The following TNFAIP8 variants were observed in gnomAD, a reference collection of about 807,000 sequenced individuals.
TNFAIP8 encodes the protein TNF alpha induced protein 8.
Under a neutral mutation model 13.3 loss-of-function variants are expected in TNFAIP8, and 7 were observed. The ratio of observed to expected loss-of-function variants is 0.52; its 90% confidence interval spans 0.30 to 0.99. The LOEUF (loss-of-function observed/expected upper bound fraction) is 0.99. Ranked by LOEUF, TNFAIP8 falls within the 50% of genes least tolerant of loss-of-function variation. The pLI, the probability that TNFAIP8 is intolerant of heterozygous loss-of-function variation, is 0.07. For synonymous variants in TNFAIP8, 94 were observed against 87.6 expected (o/e 1.07, Z -0.41); for missense variants, 258 against 236.9 (o/e 1.09, Z -0.58).
chr5:119,335,248 A>T (rs542209991), intron 1 of TNFAIP8, among the ~76,000 whole-genome samples: 1 of 152,284 alleles, frequency 6.6e-6, no homozygotes, highest in African/African-American at 2.4e-5. Flanking sequence ...TATCCTGGCA[A>T]TAGGGAAACG....
chr5:119,278,469 T>A (rs1056971613), intron 1 of TNFAIP8, among the ~76,000 whole-genome samples: 2 of 151,892 alleles, frequency 1.3e-5, no homozygotes, highest in African/African-American at 2.4e-5. Context: ...TAGTAGTGTC[T>A]ATCCCTTTTC....
intron 1 of TNFAIP8, among the ~76,000 whole-genome samples, chr5:119,391,097 G>A (rs957895196): frequency 1.3e-5 from 2 of 151,194 alleles, no homozygotes; most frequent in African/African-American, 4.9e-5. Flanking sequence ...GCCTGCCAAT[G>A]TGCTGGGATT....
chr5:119,281,914 T>C (rs1054589227), intron 1 of TNFAIP8, among the ~76,000 whole-genome samples: 1 of 152,246 alleles, frequency 6.6e-6, no homozygotes, highest in African/African-American at 2.4e-5. Flanking sequence ...CACTGTTGTC[T>C]GATATAAAAT....
chr5:119,343,117 C>G (rs572105040), intron 1 of TNFAIP8, among the ~76,000 whole-genome samples: 1 of 152,214 alleles, frequency 6.6e-6, no homozygotes, highest in East Asian at 1.9e-4. Context: ...ATTAATAGTT[C>G]CTAAAGCAAT....
intron 1 of TNFAIP8, among the ~76,000 whole-genome samples, chr5:119,359,369 G>A (rs987150316): frequency 6.6e-6 from 1 of 152,106 alleles, no homozygotes; most frequent in African/African-American, 2.4e-5. Context: ...CTCTCTCAGA[G>A]CACCTGTTCC....
At chr5:119,389,898 G>A (rs141084358) in intron 1 of TNFAIP8, among the ~76,000 whole-genome samples, 259 of 152,270 alleles carry the variant, frequency 1.7e-3, no homozygotes, top group African/African-American at 6.0e-3. Flanking sequence ...CCAGTAAATG[G>A]GGAATGATCT....
upstream of TNFAIP8, chr5:119,355,549 T>C (rs1751359760): frequency 1.7e-6 from 1 of 580,560 alleles, no homozygotes; most frequent in African/African-American, 1.9e-5. Context: ...TCCGTAATTT[T>C]TGGGTTGCAA....
At chr5:119,278,368 AGAGAGAGAGTGTGTGTGTGT>A (rs1748521823) in intron 1 of TNFAIP8, among the ~76,000 whole-genome samples, 1 of 135,378 alleles carries the variant, frequency 7.4e-6, no homozygotes, top group African/African-American at 3.0e-5. Flanking sequence ...AGAGAGAGAG[AGAGAGAGAGTGTGTGTGTGT>A]GTGTGTGTGT....
At chr5:119,357,504 T>C (rs6863311) in intron 1 of TNFAIP8, among the ~76,000 whole-genome samples, 56,537 of 151,942 alleles carry the variant, frequency 0.37, 12,548 homozygotes, top group African/African-American at 0.62. Flanking sequence ...GCGTTTTCTC[T>C]CAGGTGTGTT....
At chr5:119,308,046 G>A (rs147748420) in intron 1 of TNFAIP8, among the ~76,000 whole-genome samples, 40 of 152,324 alleles carry the variant, frequency 2.6e-4, no homozygotes, top group African/African-American at 9.4e-4. Context: ...AGAGAAGTTA[G>A]AAGTTTATTC....
At chr5:119,307,771 G>GTATA (rs138056808) in intron 1 of TNFAIP8, among the ~76,000 whole-genome samples, 2 of 152,112 alleles carry the variant, frequency 1.3e-5, no homozygotes, top group African/African-American at 4.8e-5. Context: ...AAGACTGTGT[G>GTATA]TATATATGTA....
At chr5:119,306,752 C>T (rs1487738226) in intron 1 of TNFAIP8, 1 of 152,016 alleles carries the variant, frequency 6.6e-6, no homozygotes, top group Non-Finnish European at 1.5e-5. Flanking sequence ...CTTTTAGGAG[C>T]CTAGAATGGT....
At chr5:119,314,528 A>G (rs78087885) in intron 1 of TNFAIP8, among the ~76,000 whole-genome samples, 3,396 of 152,294 alleles carry the variant, frequency 0.022, 128 homozygotes, top group African/African-American at 0.078. Context: ...TCCTCTCCAT[A>G]TCCACAAACT....
intron 1 of TNFAIP8, among the ~76,000 whole-genome samples, chr5:119,286,449 G>A (rs201767839): frequency 7.6e-4 from 115 of 152,128 alleles, no homozygotes; most frequent in East Asian, 3.1e-3. Context: ...GTGAAACCCC[G>A]TCTCTACTAA....
intron 1 of TNFAIP8, among the ~76,000 whole-genome samples, chr5:119,386,715 TA>T (rs1752690679): frequency 6.6e-6 from 1 of 152,240 alleles, no homozygotes; most frequent in Non-Finnish European, 1.5e-5. Flanking sequence ...GATGTGCATA[TA>T]CCCCAAAATG....
intron 1 of TNFAIP8, among the ~76,000 whole-genome samples, chr5:119,378,471 C>T (rs991791288): frequency 6.6e-6 from 1 of 152,146 alleles, no homozygotes; most frequent in Admixed American, 6.5e-5. Flanking sequence ...TGCCTAACAA[C>T]ATTTGGATAC....
intron 1 of TNFAIP8, among the ~76,000 whole-genome samples, chr5:119,342,514 G>T (rs1330902967): frequency 2.6e-5 from 4 of 151,524 alleles, no homozygotes; most frequent in South Asian, 4.2e-4. Flanking sequence ...AATTTGCAGG[G>T]TTTTTTTTTG....
intron 1 of TNFAIP8, among the ~76,000 whole-genome samples, chr5:119,290,358 G>C (rs1426362335): frequency 6.6e-6 from 1 of 152,208 alleles, no homozygotes; most frequent in Non-Finnish European, 1.5e-5. Flanking sequence ...ATTCTCTGCG[G>C]CTGGAGAATC....
At chr5:119,387,526 CTTTATTAG>C (rs1752727723) in intron 1 of TNFAIP8, among the ~76,000 whole-genome samples, 1 of 152,038 alleles carries the variant, frequency 6.6e-6, no homozygotes, top group Non-Finnish European at 1.5e-5. Flanking sequence ...GATTTGAGTA[CTTTATTAG>C]AAAATTCTCA....
Sources: gnomAD v4.1 joint callset for allele counts (sites outside exome capture counted in the v4.1 genomes callset) on GRCh38, gnomAD v4.1.1 for gene constraint, MANE v1.5 for transcripts, NCBI Gene and HGNC (gene_info 2026-07-23, HGNC 2026-07-21) for gene names.